The following KAZN variants were observed in gnomAD, a reference collection of about 807,000 sequenced individuals.
KAZN encodes kazrin.
KAZN carries 40 observed loss-of-function variants against 87.4 expected under a neutral mutation model. The observed-to-expected ratio is 0.46, with a 90% CI of 0.36 to 0.60. KAZN has a LOEUF of 0.60. Among genes scored for constraint, KAZN ranks in the 20% least tolerant of loss-of-function variants. KAZN has a pLI of 0.00. For synonymous variants in KAZN, 466 were observed against 458.3 expected (o/e 1.02, Z -0.22); for missense variants, 898 against 1,073.9 (o/e 0.84, Z 2.29).
intron 2 of KAZN, among the ~76,000 whole-genome samples, chr1:14,411,729 A>T (rs60460181): frequency 0.034 from 5,126 of 152,364 alleles, 293 homozygotes; most frequent in African/African-American, 0.12. Context: ...TTAAGTAATG[A>T]AATGAAAAAA....
At chr1:13,955,064 C>G (rs1641495047) in intron 1 of KAZN, among the ~76,000 whole-genome samples, 1 of 152,068 alleles carries the variant, frequency 6.6e-6, no homozygotes, top group Non-Finnish European at 1.5e-5. Context: ...TTGAAAGGTC[C>G]TCAGAAAATG....
At chr1:14,259,528 C>T (rs897097587) in intron 2 of KAZN, among the ~76,000 whole-genome samples, 1 of 152,170 alleles carries the variant, frequency 6.6e-6, no homozygotes, top group African/African-American at 2.4e-5. Context: ...CCTCACCCCC[C>T]AAGTGGCCTG....
chr1:14,089,290 T>C (rs1301761848), intron 1 of KAZN, among the ~76,000 whole-genome samples: 1 of 152,138 alleles, frequency 6.6e-6, no homozygotes, highest in Non-Finnish European at 1.5e-5. Flanking sequence ...TTCCATTTAC[T>C]GTAAGTACTG....
intron 1 of KAZN, among the ~76,000 whole-genome samples, chr1:14,054,926 C>G (rs1260166626): frequency 6.6e-6 from 1 of 152,188 alleles, no homozygotes; most frequent in Non-Finnish European, 1.5e-5. Flanking sequence ...GAGCAGATGT[C>G]TCGACCTCAG....
chr1:14,734,684 C>T (rs147048618), intron 1 of KAZN, among the ~76,000 whole-genome samples: 2 of 152,332 alleles, frequency 1.3e-5, no homozygotes, highest in Non-Finnish European at 2.9e-5. Context: ...CTTTGACTAG[C>T]AAAGGCTGAT....
intron 2 of KAZN, among the ~76,000 whole-genome samples, chr1:14,221,034 G>C (rs1344468899): frequency 1.3e-5 from 2 of 152,116 alleles, no homozygotes; most frequent in Non-Finnish European, 2.9e-5. Flanking sequence ...AATCAGGTAG[G>C]TTGTGTAGTT....
At chr1:14,320,219 C>A (rs1005472623) in intron 2 of KAZN, among the ~76,000 whole-genome samples, 1 of 152,084 alleles carries the variant, frequency 6.6e-6, no homozygotes, top group African/African-American at 2.4e-5. Context: ...CAGGGAAGCG[C>A]AATATGTGAT....
rs2100331807 is a variant in KAZN, at chr1:14,184,671, T to G, written c.249+4079T>G. Among the ~76,000 whole-genome samples, 1 of 152,254 alleles carries G rather than the reference T, an allele frequency of 6.6e-6. No homozygotes were observed. The highest frequency in any genetic ancestry group is 1.5e-5 in the Non-Finnish European group (1 of 68,012). ...CTAGATGATTGTGCTTTCCAATTGGTTTCTGGCAAAACTGGGCCGATTGAA... is the reference window on the plus strand; with the variant it reads ...CTAGATGATTGTGCTTTCCAATTGGGTTCTGGCAAAACTGGGCCGATTGAA... On this transcript the variant is annotated intron_variant, in intron 2 of 16. Transcript: ENST00000636203. The surrounding 1 kb of genome is among the most constrained non-coding windows in gnomAD (Gnocchi z 4.2).
At chr1:14,475,496 C>T (rs556955814) in intron 2 of KAZN, among the ~76,000 whole-genome samples, 8 of 152,330 alleles carry the variant, frequency 5.3e-5, no homozygotes, top group African/African-American at 1.2e-4. Context: ...GTTGTCTTTT[C>T]GTCAGTCTCT....
intron 1 of KAZN, among the ~76,000 whole-genome samples, chr1:14,602,137 C>T (rs576536982): frequency 3.0e-4 from 45 of 152,170 alleles, no homozygotes; most frequent in African/African-American, 9.4e-4. Context: ...TTGGGTTTTC[C>T]TAGCGGGTTA....
At position 14,267,609 on chromosome 1, in the gene KAZN, T is replaced by C. The variant is rs567481068; in HGVS notation, c.249+87017T>C. ...GGTCCAGGAACCAATCCCCCATGGATACAAAGGGAAAACTATAATATAACA... is the reference window on the plus strand; with the variant it reads ...GGTCCAGGAACCAATCCCCCATGGACACAAAGGGAAAACTATAATATAACA... On this transcript the variant is annotated intron_variant, in intron 2 of 16. Transcript: ENST00000636203. Among the ~76,000 whole-genome samples, 110 of 151,618 alleles carry C rather than the reference T, an allele frequency of 7.3e-4. 1 individual carries two copies. The highest frequency in any genetic ancestry group is 4.3e-3 in the Admixed American group (66 of 15,280).
intron 1 of KAZN, among the ~76,000 whole-genome samples, chr1:14,630,086 C>G (rs1385734126): frequency 2.0e-5 from 3 of 152,162 alleles, no homozygotes; most frequent in Non-Finnish European, 4.4e-5. Flanking sequence ...TCAGGCCAGT[C>G]CCCCACTGTA....
Position 15,116,747 on chromosome 1 carries a change from A to AGCAGGGCACTTGAAT in KAZN, c.*2117_*2131dup, listed in dbSNP as rs1428960297. The AGCAGGGCACTTGAAT allele has an allele frequency of 9.8e-5, 15 of 152,350 alleles. No individual in the cohort carries two copies. Among genetic ancestry groups the AGCAGGGCACTTGAAT allele is most frequent in the Non-Finnish European group, 1.6e-4 (11 of 68,028 alleles). The allele number at this position is 152,350 out of a possible 1,614,324, so 9.4% of individuals were successfully genotyped here. On this transcript the variant is annotated 3_prime_UTR_variant, in exon 15 of 15. Transcript: ENST00000376030. Reference sequence around the variant, plus strand: ...TTCCCACAGAGTGAGCCAGAATTGTAGCAGGGCACTTGAATGCAGAGCTGA... The same window carrying AGCAGGGCACTTGAAT: ...TTCCCACAGAGTGAGCCAGAATTGTAGCAGGGCACTTGAATGCAGGGCACTTGAATGCAGAGCTGA...
chr1:14,122,406 G>T (rs1644770953), intron 1 of KAZN, among the ~76,000 whole-genome samples: 1 of 152,142 alleles, frequency 6.6e-6, no homozygotes, highest in South Asian at 2.1e-4. Flanking sequence ...TTATCCAGAA[G>T]TGCCTTCTTG....
intron 2 of KAZN, among the ~76,000 whole-genome samples, chr1:14,382,278 C>G (rs1661429171): frequency 6.6e-6 from 1 of 152,158 alleles, no homozygotes; most frequent in African/African-American, 2.4e-5. Context: ...ATCAAAATAA[C>G]AATATCAAAA....
At chr1:14,581,638 C>G (rs1161991139) in intron 2 of KAZN, among the ~76,000 whole-genome samples, 1 of 152,190 alleles carries the variant, frequency 6.6e-6, no homozygotes, top group East Asian at 1.9e-4. Context: ...CTCACAGTCC[C>G]CAAGGGGACC....
At chr1:14,400,884 C>G (rs756810147) in intron 2 of KAZN, among the ~76,000 whole-genome samples, 1 of 152,128 alleles carries the variant, frequency 6.6e-6, no homozygotes, top group Admixed American at 6.5e-5. Context: ...TCCTATCTGC[C>G]GTGTGTGTAT....
intron 1 of KAZN, among the ~76,000 whole-genome samples, chr1:14,712,988 G>T (rs1642568836): frequency 6.6e-6 from 1 of 152,120 alleles, no homozygotes; most frequent in African/African-American, 2.4e-5. Context: ...ATGCCGCACT[G>T]CTGTGTAACA....
At chr1:14,984,920 G>T (rs547429984) in intron 2 of KAZN, among the ~76,000 whole-genome samples, 21 of 151,990 alleles carry the variant, frequency 1.4e-4, no homozygotes, top group Admixed American at 1.2e-3. Flanking sequence ...GGCAGATCAC[G>T]AGGTCAGGAG....
Sources: allele counts gnomAD v4.1 joint callset (sites outside exome capture counted in the v4.1 genomes callset), GRCh38; gene constraint gnomAD v4.1.1; non-coding constraint Gnocchi (gnomAD v3.1); transcripts MANE v1.5; gene names NCBI Gene and HGNC (gene_info 2026-07-23, HGNC 2026-07-21).